Variants in MBD2 observed in about 807,000 individuals in gnomAD.
MBD2 encodes the protein methyl-CpG-binding domain protein 2.
In MBD2, 9 loss-of-function variants were observed where a neutral mutation model predicts 39.3. The observed-to-expected ratio is 0.23, with a 90% CI of 0.14 to 0.40. MBD2 has a LOEUF of 0.40. MBD2 is among the 10% of genes least tolerant of loss of function. MBD2 has a pLI of 1.00. For missense variants in MBD2, 458 were observed against 532.6 expected, an observed-to-expected ratio of 0.86 and a Z score of 1.38; for synonymous variants, 233 against 211.1, an observed-to-expected ratio of 1.10 and a Z score of -0.90.
intron 6 of MBD2, among the ~76,000 whole-genome samples, chr18:54,157,260 A>G (rs908684472): frequency 4.0e-5 from 6 of 151,720 alleles, no homozygotes; most frequent in Admixed American, 6.6e-5. Flanking sequence ...CTGGATTGAA[A>G]TGATTTTTTT....
At chr18:54,176,493 C>T (rs1222399037) in intron 3 of MBD2, among the ~76,000 whole-genome samples, 2 of 152,172 alleles carry the variant, frequency 1.3e-5, no homozygotes, top group African/African-American at 4.8e-5. Context: ...AATAGAGACT[C>T]TTGTCACATA....
intron 2 of MBD2, among the ~76,000 whole-genome samples, chr18:54,202,238 G>A (rs898492452): frequency 1.3e-5 from 2 of 152,008 alleles, no homozygotes; most frequent in African/African-American, 2.4e-5. Context: ...AGCTACTCAG[G>A]AGGCTGAGGA....
In MBD2 at chr18:54,188,900, G is replaced by C; in HGVS notation, c.814C>G (p.Gln272Glu). The C allele has an allele frequency of 6.2e-7, 1 of 1,607,668 alleles. No homozygotes were observed. Among genetic ancestry groups the C allele is most frequent in the South Asian group, 1.1e-5 (1 of 89,902 alleles). Reference protein sequence around the residue: ...HPSNKVKSDPQRMNEQPRQLF... With the variant: ...HPSNKVKSDPERMNEQPRQLF... The stretch of plus-strand genomic sequence containing the variant: ...TGACGTGGCTGTTCATTCATTCGTT[G>C]TGGGTCTGATTTCACTTTATTACTA... The change falls in exon 3 of 7, where the codon CAA (glutamine) becomes GAA (glutamate). Residue 272 changes from glutamine to glutamate, a missense_variant. Gln to Glu is a conservative substitution (Grantham distance 29, BLOSUM62 2). Around this residue, in one of 2 missense-constraint regions of MBD2, gnomAD observed 189 missense variants for 296.6 expected, o/e 0.64. Coordinates refer to ENST00000256429, the MANE Select transcript of MBD2 (RefSeq NM_003927.5).
chr18:54,224,476 G>C lies in MBD2; in HGVS notation c.84C>G (p.Gly28=). 1 of 1,231,082 alleles carries C rather than the reference G, an allele frequency of 8.1e-7. No individual in the cohort carries two copies. Among genetic ancestry groups the C allele is most frequent in the Non-Finnish European group, 1.0e-6 (1 of 988,580 alleles). The allele number at this position is 1,231,082 out of a possible 1,614,324, so 76.3% of individuals were successfully genotyped here. A position where few individuals can be genotyped will look rare whatever the true frequency, so the allele number is the denominator to read the frequency against. ...ESAAGGSGAG[G]DSAIEQGGQG... is the part of the protein sequence containing the mutation. ...GGCCCCCCTGCTCTATGGCGGAGTC[G>C]CCGCCAGCGCCGCTGCCGCCCGCCG... The change falls in exon 1 of 7, where the codon GGC becomes GGG. Residue 28 remains glycine, a synonymous_variant. Transcript: ENST00000256429.
intron 5 of MBD2, among the ~76,000 whole-genome samples, chr18:54,161,973 C>G (rs533638655): frequency 6.6e-6 from 1 of 152,144 alleles, no homozygotes; most frequent in South Asian, 2.1e-4. Context: ...GGAGGAGCCA[C>G]GAGACAAGGA....
chr18:54,165,979 C>T (rs546529479), intron 4 of MBD2, 97 bp downstream of exon 4: 1 of 804,594 alleles, frequency 1.2e-6, no homozygotes, highest in African/African-American at 1.7e-5. Context: ...AAGCAAAGGC[C>T]TCCTGTCAGT....
At chr18:54,178,656 T>C (rs2144298606) in intron 3 of MBD2, among the ~76,000 whole-genome samples, 1 of 152,262 alleles carries the variant, frequency 6.6e-6, no homozygotes, top group African/African-American at 2.4e-5. Context: ...ATAACTTCTA[T>C]AAAAGAAATG....
chr18:54,207,373 G>A (rs544620351), intron 1 of MBD2, among the ~76,000 whole-genome samples: 1 of 152,160 alleles, frequency 6.6e-6, no homozygotes, highest in African/African-American at 2.4e-5. Context: ...TTCAATTCAA[G>A]TCAGAAATAA....
In MBD2 at chr18:54,224,335, G is replaced by A. The variant is rs2086643827; in HGVS notation, c.225C>T (p.Gly75=). ...KQAGRGGGVC[G]RGRGRGRGRG... The stretch of plus-strand genomic sequence containing the variant: ...GGCCACGGCCCCGGCCCCGGCCACG[G>A]CCACAGACGCCGCCGCCCCGGCCCG... The change falls in exon 1 of 7, where the codon GGC becomes GGT. Residue 75 remains glycine, a synonymous_variant. Coordinates refer to ENST00000256429, the MANE Select transcript of MBD2 (RefSeq NM_003927.5). 2 of 1,054,400 alleles carry A rather than the reference G, an allele frequency of 1.9e-6. No individual in the cohort carries two copies. The highest frequency in any genetic ancestry group is 2.3e-6 in the Non-Finnish European group (2 of 874,294). The allele number at this position is 1,054,400 out of a possible 1,614,324, so 65.3% of individuals were successfully genotyped here. A position where few individuals can be genotyped will look rare whatever the true frequency, so the allele number is the denominator to read the frequency against.
At chr18:54,178,930 A>G (rs2086230350) in intron 3 of MBD2, among the ~76,000 whole-genome samples, 1 of 152,246 alleles carries the variant, frequency 6.6e-6, no homozygotes, top group Non-Finnish European at 1.5e-5. Flanking sequence ...ATCACATGAA[A>G]AAAACTAGAA....
intron 2 of MBD2, among the ~76,000 whole-genome samples, chr18:54,189,386 C>A (rs2086304969): frequency 6.7e-6 from 1 of 150,264 alleles, no homozygotes; most frequent in African/African-American, 2.4e-5. Flanking sequence ...ACCAAGCCAG[C>A]TAATTTTGTG....
chr18:54,224,069 ACTTCCTCCT>A lies in MBD2; in HGVS notation c.482_490del (p.Lys161_Val164delinsMet). ...AGCACTTAGCCCAGATTTTCGGATC[ACTTCCTCCT>A]TCTTCCATCCGGGGGGGAGGGCCGG... is the stretch of plus-strand genomic sequence containing the variant. On this transcript the variant is annotated inframe_deletion, in exon 1 of 7. Transcript: ENST00000256429. The A allele has an allele frequency of 6.2e-7, 1 of 1,602,294 alleles. No individual in the cohort carries two copies. The highest frequency in any genetic ancestry group is 8.5e-7 in the Non-Finnish European group (1 of 1,176,744).
At chr18:54,170,043 A>G (rs976227165) in intron 3 of MBD2, among the ~76,000 whole-genome samples, 5 of 152,236 alleles carry the variant, frequency 3.3e-5, no homozygotes, top group Non-Finnish European at 5.9e-5. Flanking sequence ...TGGAATTAAA[A>G]GTCACTTAAA....
intron 1 of MBD2, among the ~76,000 whole-genome samples, chr18:54,212,407 T>C (rs933782358): frequency 6.6e-6 from 1 of 152,210 alleles, no homozygotes; most frequent in African/African-American, 2.4e-5. Context: ...TTTGAAACAC[T>C]GAGTTCTGCA....
chr18:54,167,620 A>T (rs560339668), intron 3 of MBD2, among the ~76,000 whole-genome samples: 138 of 152,360 alleles, frequency 9.1e-4, no homozygotes, highest in Non-Finnish European at 1.6e-3. Context: ...GACAAATGAG[A>T]AGATAAAGTA....
chr18:54,177,715 C>G (rs1489498581), intron 3 of MBD2, among the ~76,000 whole-genome samples: 1 of 151,816 alleles, frequency 6.6e-6, no homozygotes, highest in Non-Finnish European at 1.5e-5. Flanking sequence ...TCTCCTGACT[C>G]GTTATCCGCC....
At chr18:54,205,591 CAA>C (rs10719481) in intron 1 of MBD2, among the ~76,000 whole-genome samples, 256 of 90,060 alleles carry the variant, frequency 2.8e-3, no homozygotes, top group Middle Eastern at 0.012. Flanking sequence ...AACTCTATCT[CAA>C]AAAAAAAAAA....
At chr18:54,221,750 CAG>C (rs918825733) in intron 1 of MBD2, among the ~76,000 whole-genome samples, 14 of 152,170 alleles carry the variant, frequency 9.2e-5, no homozygotes, top group African/African-American at 3.4e-4. Context: ...GCCTGGGCGA[CAG>C]AGCTAGACTC....
intron 1 of MBD2, among the ~76,000 whole-genome samples, chr18:54,217,594 T>C (rs1396242849): frequency 6.6e-6 from 1 of 152,174 alleles, no homozygotes; most frequent in Non-Finnish European, 1.5e-5. Context: ...AGTAAAAAAG[T>C]TATGAATTTC....
Sources: allele counts gnomAD v4.1 joint callset (sites outside exome capture counted in the v4.1 genomes callset), GRCh38; gene constraint gnomAD v4.1.1; regional missense constraint gnomAD v4.1.1; transcripts MANE v1.5; gene names NCBI Gene and HGNC (gene_info 2026-07-23, HGNC 2026-07-21).